CD163L1: variants seen among roughly 807,000 people sequenced by gnomAD.
CD163L1 encodes scavenger receptor cysteine-rich type 1 protein M160.
CD163L1 carries 124 observed loss-of-function variants against 165.4 expected under a neutral mutation model. The ratio of observed to expected loss-of-function variants is 0.75; its 90% CI spans 0.65 to 0.87. CD163L1 has a LOEUF of 0.87. Ranked by LOEUF, CD163L1 falls within the 40% of genes least tolerant of loss-of-function variation. CD163L1 has a pLI of 0.00. For synonymous variants in CD163L1, 585 were observed against 662.2 expected (o/e 0.88, Z 1.79); for missense variants, 1,525 against 1,799.9 (o/e 0.85, Z 2.76).
At chr12:7,396,619 T>C (rs1312111738) in intron 7 of CD163L1, among the ~76,000 whole-genome samples, 2 of 152,122 alleles carry the variant, frequency 1.3e-5, no homozygotes, top group Non-Finnish European at 2.9e-5. Context: ...GTGGGCCTCA[T>C]CCAATCAGTT....
chr12:7,408,876 G>C (rs1948079669), intron 4 of CD163L1, among the ~76,000 whole-genome samples: 1 of 152,124 alleles, frequency 6.6e-6, no homozygotes, highest in Non-Finnish European at 1.5e-5. Flanking sequence ...AAGAGCATAG[G>C]ATAAAAAGGG....
intron 4 of CD163L1, among the ~76,000 whole-genome samples, chr12:7,418,100 T>C (rs1165681782): frequency 6.6e-6 from 1 of 152,044 alleles, no homozygotes; most frequent in Non-Finnish European, 1.5e-5. Flanking sequence ...CATCAGCACA[T>C]GGAATATTCT....
At chr12:7,334,841 C>A in the CD163L1 span, among the ~76,000 whole-genome samples, 337 of 152,228 alleles carry the variant, frequency 2.2e-3, 1 homozygote, top group African/African-American at 7.7e-3. Flanking sequence ...TTCTTATACA[C>A]CAATAACAGA....
At chr12:7,441,551 G>A (rs967445447) in intron 1 of CD163L1, among the ~76,000 whole-genome samples, 3 of 152,132 alleles carry the variant, frequency 2.0e-5, no homozygotes, top group Admixed American at 2.0e-4. Context: ...AGCATTTTGG[G>A]TTACTGAGTA....
the CD163L1 span, among the ~76,000 whole-genome samples, chr12:7,325,350 A>G: frequency 3.9e-5 from 6 of 152,242 alleles, no homozygotes; most frequent in East Asian, 1.2e-3. Context: ...GAAACAAGAC[A>G]AATAGAAAAT....
At chr12:7,380,499 A>G (rs1947379129) in intron 8 of CD163L1, among the ~76,000 whole-genome samples, 1 of 152,066 alleles carries the variant, frequency 6.6e-6, no homozygotes, top group Non-Finnish European at 1.5e-5. Context: ...GGAATTGAAG[A>G]CTATTATTCT....
In CD163L1 at chr12:7,398,173, C is replaced by G; in HGVS notation, c.1729+91G>C. On this transcript the variant is annotated intron_variant, in intron 7 of 19. Coordinates refer to ENST00000313599, the MANE Select transcript of CD163L1 (RefSeq NM_174941.6). The surrounding 1 kb of genome is among the most constrained non-coding windows in gnomAD (Gnocchi z 4.5). ...GAGTCATGGCCCCTCAATCAATTCC[C>G]ACATGTAAGCCAGTTTATAGACCCA... is the stretch of plus-strand genomic sequence containing the variant. 8.5e-7 allele frequency: 1 copy of G among 1,177,606 alleles called. No homozygotes were observed. The highest frequency in any genetic ancestry group is 1.5e-5 in the African/African-American group (1 of 64,926). The allele number at this position is 1,177,606 out of a possible 1,614,324, so 72.9% of individuals were successfully genotyped here.
rs1182887691 is a variant in CD163L1 at position 7,440,043 on chromosome 12, G to A, written c.124+1111C>T. 14 of 1,265,242 alleles carry A rather than the reference G, an allele frequency of 1.1e-5. No individual in the cohort carries two copies. In the East Asian group the frequency reaches 2.0e-4, roughly 18 times the overall value. The allele number at this position is 1,265,242 out of a possible 1,614,324, so 78.4% of individuals were successfully genotyped here. A position where few individuals can be genotyped will look rare whatever the true frequency, so the allele number is the denominator to read the frequency against. On this transcript the variant is annotated intron_variant, in intron 2 of 19. Transcript: ENST00000313599. ...ACCCGCTGCGACACACACCCCAGCA[G>A]CTCCTCGCGTTCCGCGCTCCGCCCT...
At position 7,375,704 on chromosome 12, in the gene CD163L1, A is replaced by T; in HGVS notation, c.2682T>A (p.Cys894Ter). The change falls in exon 10 of 20, where the codon TGT becomes TGA. Residue 894 changes from cysteine (C) to a stop codon, truncating the protein, a stop_gained. Coordinates refer to ENST00000313599, the MANE Select transcript of CD163L1 (RefSeq NM_174941.6). LOFTEE classifies it high-confidence loss of function. ...AAGATTATTTAAAAATCTCACGGGA[A>T]CAGACAACTCCAACTTCTCTGCTGT... ...CIHSREVGVV[C>*]SRYTDVRLVN... 6.2e-7 allele frequency: 1 copy of T among 1,614,032 alleles called. No individual in the cohort carries two copies. Among genetic ancestry groups the T allele is most frequent in the Non-Finnish European group, 8.5e-7 (1 of 1,179,894 alleles).
chr12:7,438,169 CA>C lies in CD163L1; in HGVS notation c.124+2984del, dbSNP rs1346383718. Among the ~76,000 whole-genome samples, 18 of 152,188 alleles carry C rather than the reference CA, an allele frequency of 1.2e-4. No individual in the cohort carries two copies. In the South Asian group the frequency reaches 3.7e-3, roughly 32 times the overall value. On this transcript the variant is annotated intron_variant, in intron 2 of 19. Coordinates refer to ENST00000313599, the MANE Select transcript of CD163L1 (RefSeq NM_174941.6). ...ATACTGCCATAAATAACTATGTATG[CA>C]CAGCTTTTCCTTCTTTAAAATGATT...
At chr12:7,403,013 TATACAC>T (rs1947943920) in intron 6 of CD163L1, among the ~76,000 whole-genome samples, 1 of 152,142 alleles carries the variant, frequency 6.6e-6, no homozygotes, top group Admixed American at 6.6e-5. Context: ...TCATAAGTAT[TATACAC>T]ATAGATTTTC....
chr12:7,435,551 AT>A (rs1948703465), intron 2 of CD163L1, among the ~76,000 whole-genome samples: 1 of 152,006 alleles, frequency 6.6e-6, no homozygotes, highest in South Asian at 2.1e-4. Context: ...ATTGGCAAAA[AT>A]TTAGAACTCT....
intron 8 of CD163L1, among the ~76,000 whole-genome samples, chr12:7,383,148 T>C (rs373327192): frequency 6.6e-6 from 1 of 152,154 alleles, no homozygotes; most frequent in African/African-American, 2.4e-5. Context: ...ACATGGAGGT[T>C]TGCCCCACCT....
At position 7,379,084 on chromosome 12, in the gene CD163L1, C is replaced by T. The variant is rs927645840; in HGVS notation, c.2265G>A (p.Ser755=). Residue 755 remains serine (S), a synonymous_variant, in exon 9 of 20, where the codon TCG becomes TCA. Coordinates refer to ENST00000313599, the MANE Select transcript of CD163L1 (RefSeq NM_174941.6). ...FTERTLHILM[S]NSGCTGGEAS... is the part of the protein sequence containing the mutation. ...CTTCCCCTCCAGTGCAGCCAGAATT[C>T]GACATTAAGATGTGTAATGTTCTTT... 6.2e-6 allele frequency: 10 copies of T among 1,614,140 alleles called. No homozygotes were observed. The highest frequency in any genetic ancestry group is 5.3e-5 in the African/African-American group (4 of 75,036).
chr12:7,403,080 T>C (rs759129113), intron 6 of CD163L1, among the ~76,000 whole-genome samples: 1 of 152,176 alleles, frequency 6.6e-6, no homozygotes, highest in African/African-American at 2.4e-5. Flanking sequence ...GAATTATACA[T>C]CGTATCAACA....
At chr12:7,403,882 T>C (rs1947962444) in intron 5 of CD163L1, 27 bp from the exon 6 acceptor site, 2 of 1,598,410 alleles carry the variant, frequency 1.3e-6, no homozygotes, top group Non-Finnish European at 1.7e-6. Context: ...GAGAAACGTC[T>C]GAATTGGGTT....
intron 1 of CD163L1, among the ~76,000 whole-genome samples, chr12:7,441,586 C>T (rs937546524): frequency 5.9e-5 from 9 of 151,954 alleles, no homozygotes; most frequent in Admixed American, 5.2e-4. Flanking sequence ...ACTCTTTGAC[C>T]CTCTCCTCAT....
chr12:7,376,838 T>C (rs773605932), intron 9 of CD163L1, among the ~76,000 whole-genome samples: 1 of 152,340 alleles, frequency 6.6e-6, no homozygotes, highest in South Asian at 2.1e-4. Flanking sequence ...TGAGTTACTA[T>C]AATAGATTCC....
At chr12:7,407,913 C>T (rs1948062841) in intron 4 of CD163L1, among the ~76,000 whole-genome samples, 1 of 151,804 alleles carries the variant, frequency 6.6e-6, no homozygotes, top group Non-Finnish European at 1.5e-5. Context: ...TGCTCAAGTC[C>T]CTTAGTTGGC....
Sources: gnomAD v4.1 joint callset for allele counts (sites outside exome capture counted in the v4.1 genomes callset) on GRCh38, gnomAD v4.1.1 for gene constraint, Gnocchi (gnomAD v3.1) non-coding constraint, MANE v1.5 for transcripts, NCBI Gene and HGNC (gene_info 2026-07-23, HGNC 2026-07-21) for gene names.